Variants in DCLK1 observed in about 807,000 individuals in gnomAD.
DCLK1 encodes the protein doublecortin like kinase 1.
Under a neutral mutation model 86.2 loss-of-function variants are expected in DCLK1, and 16 were observed. That is an observed-to-expected ratio of 0.19 (90% CI 0.13 to 0.28). The LOEUF (loss-of-function observed/expected upper bound fraction) is 0.28. DCLK1 is among the 10% of genes least tolerant of loss of function. The probability of loss-of-function intolerance (pLI) is 1.00; values close to 1 mark genes in which losing one functional copy is unlikely to be tolerated. For synonymous variants in DCLK1, 369 were observed against 370.5 expected (o/e 1.00, Z 0.05); for missense variants, 590 against 940.2 (o/e 0.63, Z 4.87).
At chr13:35,956,887 C>T (rs966309723) in intron 3 of DCLK1, among the ~76,000 whole-genome samples, 5 of 152,122 alleles carry the variant, frequency 3.3e-5, no homozygotes, top group Non-Finnish European at 5.9e-5. Flanking sequence ...TGTGGTACTA[C>T]GTAAACCCAT....
intron 11 of DCLK1, among the ~76,000 whole-genome samples, 200 bp from the exon 12 acceptor site, chr13:35,811,168 A>G (rs2087132855): frequency 6.6e-6 from 1 of 152,242 alleles, no homozygotes; most frequent in Non-Finnish European, 1.5e-5. Context: ...GTGAACACCT[A>G]ACAAATGGAA....
intron 3 of DCLK1, among the ~76,000 whole-genome samples, chr13:36,106,902 G>A (rs1885415864): frequency 6.6e-6 from 1 of 152,030 alleles, no homozygotes; most frequent in Non-Finnish European, 1.5e-5. Context: ...AAACCCAAGA[G>A]TCGACCAAAT....
intron 6 of DCLK1, chr13:35,845,968 A>T (rs919040530): frequency 2.8e-5 from 28 of 985,272 alleles, no homozygotes; most frequent in Non-Finnish European, 3.4e-5. Flanking sequence ...CTTCAAGAGG[A>T]ATAACATGGT....
chr13:35,981,717 C>T (rs1027638799), intron 3 of DCLK1, among the ~76,000 whole-genome samples: 12 of 152,186 alleles, frequency 7.9e-5, no homozygotes, highest in Admixed American at 7.2e-4. Context: ...GTTGCTCCCA[C>T]CTTTTGGCTG....
At position 35,792,375 on chromosome 13, in the gene DCLK1, T is replaced by C. The variant is rs181941666; in HGVS notation, c.2058+991A>G. Among the ~76,000 whole-genome samples, 342 of 152,240 alleles carry C rather than the reference T, an allele frequency of 2.2e-3. 1 individual carries two copies. Among genetic ancestry groups the C allele is most frequent in the Middle Eastern group, 0.02 (6 of 294 alleles). On this transcript the variant is annotated intron_variant, in intron 16 of 16. Transcript: ENST00000360631. ...CACTTGTTTATCTTCAGTTTTTTTTTAGAGCTCTCGCGCAACCAAAAAAGA... is the reference window on the plus strand; with the variant it reads ...CACTTGTTTATCTTCAGTTTTTTTTCAGAGCTCTCGCGCAACCAAAAAAGA...
At chr13:36,114,880 C>T (rs1350601275) in intron 2 of DCLK1, among the ~76,000 whole-genome samples, 1 of 152,160 alleles carries the variant, frequency 6.6e-6, no homozygotes, top group Non-Finnish European at 1.5e-5. Flanking sequence ...CTCTAGATAT[C>T]CAGTGTTCAA....
intron 7 of DCLK1, among the ~76,000 whole-genome samples, chr13:35,838,497 G>A (rs138516679): frequency 4.7e-4 from 72 of 152,280 alleles, no homozygotes; most frequent in African/African-American, 1.4e-3. Flanking sequence ...GAAGTAAGAC[G>A]CAGAGAGTTG....
intron 16 of DCLK1, among the ~76,000 whole-genome samples, chr13:35,784,160 T>A (rs1350591701): frequency 6.6e-6 from 1 of 151,824 alleles, no homozygotes; most frequent in Non-Finnish European, 1.5e-5. Flanking sequence ...GGGAAAGAGA[T>A]TCTGAGGCAA....
chr13:35,897,875 G>C (rs909613024), intron 4 of DCLK1, among the ~76,000 whole-genome samples: 2 of 152,118 alleles, frequency 1.3e-5, no homozygotes, highest in Non-Finnish European at 2.9e-5. Context: ...GAGGGTTGCT[G>C]TATCTTAAAC....
At chr13:36,074,749 G>GC (rs1232202387) in intron 3 of DCLK1, among the ~76,000 whole-genome samples, 1 of 152,214 alleles carries the variant, frequency 6.6e-6, no homozygotes, top group East Asian at 1.9e-4. Context: ...CAAGATGGAG[G>GC]CCCCCCATAA....
chr13:36,089,272 AG>A (rs1884731609), intron 3 of DCLK1, among the ~76,000 whole-genome samples: 2 of 152,210 alleles, frequency 1.3e-5, no homozygotes, highest in South Asian at 4.1e-4. Context: ...CTACTTGATG[AG>A]AAAACCTCAC....
intron 1 of DCLK1, among the ~76,000 whole-genome samples, chr13:36,127,943 GA>G (rs1263315168): frequency 6.6e-6 from 1 of 152,192 alleles, no homozygotes; most frequent in Admixed American, 6.5e-5. Context: ...CAGGCATGTT[GA>G]AATAGAATAT....
intron 3 of DCLK1, among the ~76,000 whole-genome samples, chr13:35,995,441 G>T (rs1359104588): frequency 6.6e-6 from 1 of 152,186 alleles, no homozygotes; most frequent in Non-Finnish European, 1.5e-5. Context: ...AGAGGACAAA[G>T]ACAAGGAAAC....
intron 11 of DCLK1, among the ~76,000 whole-genome samples, chr13:35,811,798 C>T (rs541811571): frequency 6.6e-6 from 1 of 151,426 alleles, no homozygotes; most frequent in Non-Finnish European, 1.5e-5. Flanking sequence ...CAAGCCATTG[C>T]ACTCCAGCCT....
At chr13:35,923,238 A>G (rs979955038) in intron 4 of DCLK1, among the ~76,000 whole-genome samples, 1 of 152,174 alleles carries the variant, frequency 6.6e-6, no homozygotes, top group African/African-American at 2.4e-5. Flanking sequence ...TGGGGACTTT[A>G]GAGACGGGGG....
intron 3 of DCLK1, among the ~76,000 whole-genome samples, chr13:36,100,331 G>T (rs1224608277): frequency 6.6e-6 from 1 of 151,978 alleles, no homozygotes; most frequent in Admixed American, 6.6e-5. Context: ...GTGAGCCAAG[G>T]TCACACCACT....
chr13:35,866,890 A>G (rs2153113644), intron 5 of DCLK1, among the ~76,000 whole-genome samples: 1 of 152,318 alleles, frequency 6.6e-6, no homozygotes, highest in African/African-American at 2.4e-5. Context: ...CCTTTCCACT[A>G]GTTCCAAGAG....
At chr13:36,075,213 G>A (rs1194641994) in intron 3 of DCLK1, among the ~76,000 whole-genome samples, 1 of 152,138 alleles carries the variant, frequency 6.6e-6, no homozygotes, top group Non-Finnish European at 1.5e-5. Context: ...TCATCTGCGT[G>A]GTTTTAAATT....
At chr13:35,906,319 T>C (rs182211144) in intron 4 of DCLK1, among the ~76,000 whole-genome samples, 1 of 152,182 alleles carries the variant, frequency 6.6e-6, no homozygotes, top group East Asian at 1.9e-4. Context: ...TTTTCTTTTT[T>C]TTTTTTTTTA....
Sources: allele counts gnomAD v4.1 joint callset (sites outside exome capture counted in the v4.1 genomes callset), GRCh38; gene constraint gnomAD v4.1.1; transcripts MANE v1.5; gene names NCBI Gene and HGNC (gene_info 2026-07-23, HGNC 2026-07-21).